TRPM3: variants seen among roughly 807,000 people sequenced by gnomAD.
TRPM3 encodes the protein long transient receptor potential channel 3.
A neutral mutation model predicts 181.2 loss-of-function variants in TRPM3; 77 were observed. The ratio of observed to expected loss-of-function variants is 0.42; its 90% confidence interval spans 0.35 to 0.51. The LOEUF is 0.51. TRPM3 is among the 20% of genes least tolerant of loss of function. The pLI, the probability that TRPM3 is intolerant of heterozygous loss-of-function variation, is 0.01. For synonymous variants in TRPM3, 745 were observed against 796.4 expected (o/e 0.94, Z 1.09); for missense variants, 1,759 against 2,196.7 (o/e 0.80, Z 3.98).
intron 7 of TRPM3, among the ~76,000 whole-genome samples, chr9:70,766,337 A>G (rs1588052482): frequency 6.6e-6 from 1 of 152,284 alleles, no homozygotes; most frequent in East Asian, 1.9e-4. Flanking sequence ...CTGCAATATT[A>G]GAGTTTTGTT....
At chr9:70,688,302 ATT>A (rs894753375) in intron 8 of TRPM3, among the ~76,000 whole-genome samples, 1 of 151,118 alleles carries the variant, frequency 6.6e-6, no homozygotes, top group Non-Finnish European at 1.5e-5. Context: ...CTTTAAAAAA[ATT>A]ATTTTTATTT....
At chr9:71,068,569 C>T (rs1409077299) in intron 1 of TRPM3, among the ~76,000 whole-genome samples, 1 of 152,122 alleles carries the variant, frequency 6.6e-6, no homozygotes, top group Non-Finnish European at 1.5e-5. Context: ...GAGTGTGGCC[C>T]GGGAATTACT....
At chr9:71,249,967 G>T (rs1052074021) in intron 1 of TRPM3, among the ~76,000 whole-genome samples, 3 of 152,186 alleles carry the variant, frequency 2.0e-5, no homozygotes, top group Non-Finnish European at 4.4e-5. Flanking sequence ...AATCATTTTA[G>T]ACTGGTAAAA....
intron 1 of TRPM3, among the ~76,000 whole-genome samples, chr9:71,381,746 C>T (rs1353976470): frequency 6.6e-6 from 1 of 151,976 alleles, no homozygotes; most frequent in Non-Finnish European, 1.5e-5. Context: ...ATCTCAGAGC[C>T]CATACAATTC....
chr9:71,108,170 G>A (rs2070162442), intron 1 of TRPM3, among the ~76,000 whole-genome samples: 1 of 152,116 alleles, frequency 6.6e-6, no homozygotes, highest in Non-Finnish European at 1.5e-5. Context: ...TGTCTTTATA[G>A]TATACCTAAA....
At chr9:71,003,313 C>T (rs1266063371) in intron 1 of TRPM3, among the ~76,000 whole-genome samples, 1 of 150,916 alleles carries the variant, frequency 6.6e-6, no homozygotes, top group East Asian at 1.9e-4. Context: ...GTGCAAAGTT[C>T]ATTCAGTCAT....
intron 22 of TRPM3, among the ~76,000 whole-genome samples, chr9:70,589,524 G>A (rs954813546): frequency 6.6e-6 from 1 of 152,162 alleles, no homozygotes; most frequent in Non-Finnish European, 1.5e-5. Context: ...AATCTCTGAG[G>A]AAAATGGTCA....
At chr9:70,600,872 C>G (rs147208594) in intron 20 of TRPM3, among the ~76,000 whole-genome samples, 4 of 152,300 alleles carry the variant, frequency 2.6e-5, no homozygotes, top group Non-Finnish European at 5.9e-5. Flanking sequence ...TTTGTAGTAT[C>G]ATTTTTAAAT....
chr9:71,190,915 A>G (rs534893630), intron 1 of TRPM3, among the ~76,000 whole-genome samples: 4 of 151,876 alleles, frequency 2.6e-5, no homozygotes, highest in Non-Finnish European at 5.9e-5. Flanking sequence ...AAAACACTCT[A>G]GTGAAATCTC....
At chr9:71,097,195 T>C (rs2067449454) in intron 1 of TRPM3, among the ~76,000 whole-genome samples, 1 of 152,048 alleles carries the variant, frequency 6.6e-6, no homozygotes, top group Non-Finnish European at 1.5e-5. Context: ...ACTCAGAAAA[T>C]ATATAAAACA....
chr9:70,625,311 G>C lies in TRPM3; in HGVS notation c.1689C>G (p.Tyr563Ter). The stretch of plus-strand genomic sequence containing the variant: ...GGCCGATGTCAATCAGGCTGATTCT[G>C]TAGTCTGGGGGCAGGTTCCCCTATC... ...IYFKGNLPPD[Y>*]RISLIDIGLV... The change falls in exon 14 of 26, where the codon TAC becomes TAG. Residue 563 changes from tyrosine (Y) to a stop codon, truncating the protein, a stop_gained. Transcript: ENST00000677713. LOFTEE classifies it high-confidence loss of function. The surrounding 1 kb of genome is among the most constrained non-coding windows in gnomAD (Gnocchi z 4.8). 1 of 1,614,164 alleles carries C rather than the reference G, an allele frequency of 6.2e-7. No individual in the cohort carries two copies. The highest frequency in any genetic ancestry group is 8.5e-7 in the Non-Finnish European group (1 of 1,180,042).
rs1302830284 is a variant in TRPM3, at chr9:70,643,606, C to T, written c.1346-2946G>A. On this transcript the variant is annotated intron_variant, in intron 9 of 25. Coordinates refer to ENST00000677713, the MANE Select transcript of TRPM3 (RefSeq NM_001366145.2). ...AGGTGACCAGCCATCCAGGCTTGCC[C>T]AGTGTAGTCACAGTGTTAGCATTTA... Among the ~76,000 whole-genome samples, 6 of 152,196 alleles carry T rather than the reference C, an allele frequency of 3.9e-5. 1 individual carries two copies. Among genetic ancestry groups the T allele is most frequent in the Admixed American group, 3.9e-4 (6 of 15,280 alleles).
intron 9 of TRPM3, among the ~76,000 whole-genome samples, chr9:70,675,804 C>T (rs1157704905): frequency 6.6e-6 from 1 of 152,042 alleles, no homozygotes; most frequent in Non-Finnish European, 1.5e-5. Flanking sequence ...AGGTTAATTC[C>T]AAAGATCGCT....
intron 1 of TRPM3, among the ~76,000 whole-genome samples, chr9:71,081,324 C>G (rs2064303564): frequency 6.6e-6 from 1 of 152,180 alleles, no homozygotes; most frequent in South Asian, 2.1e-4. Flanking sequence ...CTGGATTCCA[C>G]TCCTGGCTTA....
intron 17 of TRPM3, among the ~76,000 whole-genome samples, chr9:70,616,368 T>C (rs1298163923): frequency 6.6e-6 from 1 of 152,170 alleles, no homozygotes; most frequent in African/African-American, 2.4e-5. Flanking sequence ...TCTTACCCAA[T>C]TAACACCCAC....
intron 1 of TRPM3, among the ~76,000 whole-genome samples, chr9:71,061,541 G>A (rs2061334957): frequency 1.3e-5 from 2 of 152,092 alleles, no homozygotes; most frequent in Non-Finnish European, 2.9e-5. Flanking sequence ...TATGGTTTGT[G>A]ATAAACACAT....
chr9:70,612,897 C>G (rs2062190425), intron 18 of TRPM3, among the ~76,000 whole-genome samples: 1 of 152,090 alleles, frequency 6.6e-6, no homozygotes, highest in Admixed American at 6.5e-5. Flanking sequence ...GTAAAGACAG[C>G]CAGAAGGTTT....
intron 1 of TRPM3, among the ~76,000 whole-genome samples, chr9:71,398,113 A>C (rs375848006): frequency 6.6e-6 from 1 of 152,204 alleles, no homozygotes; most frequent in African/African-American, 2.4e-5. Context: ...CCCCATGATA[A>C]GCTTCACATT....
chr9:70,999,223 T>C (rs1174561518), intron 1 of TRPM3, among the ~76,000 whole-genome samples: 1 of 152,214 alleles, frequency 6.6e-6, no homozygotes, highest in Middle Eastern at 3.2e-3. Flanking sequence ...GCTAGTAATA[T>C]ACTGTCTATC....
Sources: allele counts gnomAD v4.1 joint callset (sites outside exome capture counted in the v4.1 genomes callset), GRCh38; gene constraint gnomAD v4.1.1; non-coding constraint Gnocchi (gnomAD v3.1); transcripts MANE v1.5; gene names NCBI Gene and HGNC (gene_info 2026-07-23, HGNC 2026-07-21).